The following COL19A1 variants were observed in gnomAD, a reference collection of about 807,000 sequenced individuals.
COL19A1 encodes the protein collagen type XIX alpha 1 chain.
COL19A1 carries 159 observed loss-of-function variants against 190.2 expected under a neutral mutation model. The ratio of observed to expected loss-of-function variants is 0.84; its 90% CI spans 0.73 to 0.95. The LOEUF (loss-of-function observed/expected upper bound fraction) is 0.95, where lower values mean the gene tolerates loss of function less well. Among genes scored for constraint, COL19A1 ranks in the 40% least tolerant of loss-of-function variants. The pLI, the probability that COL19A1 is intolerant of heterozygous loss-of-function variation, is 0.00. For missense variants in COL19A1, 1,418 were observed against 1,431.9 expected, an observed-to-expected ratio of 0.99 and a Z score of 0.16; for synonymous variants, 509 against 458.9, an observed-to-expected ratio of 1.11 and a Z score of -1.39.
intron 4 of COL19A1, among the ~76,000 whole-genome samples, chr6:69,921,395 CATATATCAT>C (rs1554166192): frequency 5.0e-5 from 4 of 80,360 alleles, no homozygotes; most frequent in Admixed American, 1.4e-4. Flanking sequence ...TCATATATAT[CATATATCAT>C]ATATATCATA....
chr6:70,106,064 C>A (rs1032577022), intron 16 of COL19A1, among the ~76,000 whole-genome samples: 5 of 151,588 alleles, frequency 3.3e-5, no homozygotes, highest in Admixed American at 3.3e-4. Flanking sequence ...AATGTTCTTC[C>A]CTTTGGGGGT....
intron 14 of COL19A1, among the ~76,000 whole-genome samples, chr6:70,045,182 G>A (rs182300030): frequency 6.6e-6 from 1 of 151,858 alleles, no homozygotes; most frequent in African/African-American, 2.4e-5. Context: ...GCATGGTGGT[G>A]CATGCCTGTA....
chr6:70,079,987 G>A (rs950191718), intron 15 of COL19A1, among the ~76,000 whole-genome samples: 8 of 152,060 alleles, frequency 5.3e-5, no homozygotes, highest in East Asian at 1.9e-4. Context: ...CAGACATACC[G>A]GAAGAGGCCA....
chr6:70,186,394 T>C (rs1443925982), intron 46 of COL19A1, among the ~76,000 whole-genome samples: 2 of 152,208 alleles, frequency 1.3e-5, no homozygotes, highest in African/African-American at 2.4e-5. Flanking sequence ...GACAGACCTG[T>C]ATGCAGATAT....
chr6:69,937,577 TG>T (rs1773190349), intron 8 of COL19A1, among the ~76,000 whole-genome samples: 1 of 152,170 alleles, frequency 6.6e-6, no homozygotes, highest in African/African-American at 2.4e-5. Context: ...AAGGAGAACT[TG>T]CCCCAGTTTC....
chr6:69,943,730 G>A (rs942528316), intron 9 of COL19A1, among the ~76,000 whole-genome samples: 1 of 152,094 alleles, frequency 6.6e-6, no homozygotes, highest in Admixed American at 6.6e-5. Flanking sequence ...TTATTTATGG[G>A]TTCTCTAGTG....
intron 11 of COL19A1, among the ~76,000 whole-genome samples, chr6:69,995,903 A>G (rs1349448182): frequency 1.3e-5 from 2 of 152,172 alleles, no homozygotes; most frequent in Non-Finnish European, 2.9e-5. Context: ...CACAAATGCA[A>G]TTAGGTGAGG....
At chr6:69,998,747 G>A (rs571975776) in intron 11 of COL19A1, among the ~76,000 whole-genome samples, 52 of 151,490 alleles carry the variant, frequency 3.4e-4, no homozygotes, top group Admixed American at 3.4e-3. Flanking sequence ...ATTTTATTGT[G>A]AAAATATTCA....
intron 2 of COL19A1, among the ~76,000 whole-genome samples, chr6:69,897,105 T>C (rs1314923332): frequency 6.6e-6 from 1 of 152,202 alleles, no homozygotes; most frequent in Non-Finnish European, 1.5e-5. Flanking sequence ...GCTTTACTGT[T>C]TTACCTTTCA....
At chr6:70,025,278 C>T (rs1240006364) in intron 12 of COL19A1, among the ~76,000 whole-genome samples, 3 of 152,194 alleles carry the variant, frequency 2.0e-5, no homozygotes, top group Admixed American at 6.5e-5. Context: ...GATCCGCCCG[C>T]GTCGGCCTCC....
At chr6:70,096,626 C>T (rs963805930) in intron 15 of COL19A1, among the ~76,000 whole-genome samples, 1 of 152,170 alleles carries the variant, frequency 6.6e-6, no homozygotes, top group Non-Finnish European at 1.5e-5. Context: ...TGCTCTTGAA[C>T]TTGACAATGA....
chr6:69,934,305 A>G (rs1772966018), intron 7 of COL19A1, among the ~76,000 whole-genome samples: 1 of 151,988 alleles, frequency 6.6e-6, no homozygotes. Flanking sequence ...TACAGACTTG[A>G]AATACCTAGA....
intron 3 of COL19A1, 143 bp downstream of exon 3, chr6:69,899,165 ATTTT>A (rs112888229): frequency 5.1e-4 from 217 of 425,512 alleles, no homozygotes; most frequent in Middle Eastern, 2.1e-3. Flanking sequence ...ATTCTTTTTA[ATTTT>A]TTTTTTTTTT....
chr6:69,969,434 T>C (rs1311207019), intron 11 of COL19A1, among the ~76,000 whole-genome samples: 1 of 152,170 alleles, frequency 6.6e-6, no homozygotes, highest in African/African-American at 2.4e-5. Context: ...GTTGATCTTA[T>C]CTACGTTCAT....
chr6:69,896,465 A>C lies in COL19A1; in HGVS notation c.92-2483A>C, dbSNP rs1024736595. On this transcript the variant is annotated intron_variant, in intron 2 of 50. Transcript: ENST00000620364. ...GGCAGGAGAATGGCGTGAACCCGGG[A>C]GGCGGAGCTTGCAGTGAGCCGAGAT... Among the ~76,000 whole-genome samples, 52 of 137,800 alleles carry C rather than the reference A, an allele frequency of 3.8e-4. 1 individual carries two copies. The highest frequency in any genetic ancestry group is 6.6e-4 in the Non-Finnish European group (43 of 65,326). The allele number at this position is 137,800 out of a possible 152,430, so 90.4% of individuals were successfully genotyped here.
rs1369630937 is a variant in COL19A1 at position 70,210,894 on chromosome 6, T to C, written c.*3620T>C. The stretch of plus-strand genomic sequence containing the variant: ...AGTACCCTTTGGTTTGTTGACTGTT[T>C]TGATTTTATTTCTTTGGTGGATATA... On this transcript the variant is annotated 3_prime_UTR_variant, in exon 51 of 51. Transcript: ENST00000620364. 1.3e-5 allele frequency among the ~76,000 whole-genome samples: 2 copies of C among 152,192 alleles called. No homozygotes were observed. The highest frequency in any genetic ancestry group is 2.9e-5 in the Non-Finnish European group (2 of 68,004).
At chr6:70,160,084 G>T (rs1049526282) in intron 34 of COL19A1, among the ~76,000 whole-genome samples, 1 of 152,020 alleles carries the variant, frequency 6.6e-6, no homozygotes, top group African/African-American at 2.4e-5. Context: ...TAATGTCATG[G>T]TCCACAACTC....
intron 16 of COL19A1, among the ~76,000 whole-genome samples, chr6:70,121,098 G>A (rs1026674747): frequency 1.3e-5 from 2 of 152,116 alleles, no homozygotes; most frequent in South Asian, 2.1e-4. Flanking sequence ...GATGAAATGT[G>A]CAATCTCTTT....
chr6:70,173,597 A>T (rs950537159), intron 41 of COL19A1, among the ~76,000 whole-genome samples: 16 of 152,180 alleles, frequency 1.1e-4, no homozygotes, highest in South Asian at 2.1e-4. Context: ...TGAACATTGG[A>T]TTTAGCAATG....
Sources: allele counts gnomAD v4.1 joint callset (sites outside exome capture counted in the v4.1 genomes callset), GRCh38; gene constraint gnomAD v4.1.1; transcripts MANE v1.5; gene names NCBI Gene and HGNC (gene_info 2026-07-23, HGNC 2026-07-21).